The following LMX1B variants were observed in gnomAD, a reference collection of about 807,000 sequenced individuals.
LMX1B encodes LIM homeobox transcription factor 1-beta.
LMX1B carries 12 observed loss-of-function variants against 51.4 expected under a neutral mutation model. That is an observed-to-expected ratio of 0.23 (90% CI 0.15 to 0.38). The LOEUF (loss-of-function observed/expected upper bound fraction) is 0.38, where lower values mean the gene tolerates loss of function less well. LMX1B is among the 10% of genes least tolerant of loss of function. The pLI, the probability that LMX1B is intolerant of heterozygous loss-of-function variation, is 1.00. For synonymous variants in LMX1B, 237 were observed against 235.4 expected (o/e 1.01, Z -0.06); for missense variants, 445 against 571.1 (o/e 0.78, Z 2.25).
chr9:126,636,826 A>G (rs770303989), intron 2 of LMX1B, among the ~76,000 whole-genome samples: 1 of 152,142 alleles, frequency 6.6e-6, no homozygotes, highest in African/African-American at 2.4e-5. Context: ...TGCAGTTCAG[A>G]TCTCAGTGGG....
intron 2 of LMX1B, among the ~76,000 whole-genome samples, chr9:126,624,353 G>T (rs1024838680): frequency 2.6e-5 from 4 of 152,226 alleles, no homozygotes; most frequent in Admixed American, 2.6e-4. Context: ...AGACTGGCGG[G>T]GAGAGCTGGC....
intron 2 of LMX1B, among the ~76,000 whole-genome samples, chr9:126,682,411 C>T (rs1297764031): frequency 6.6e-6 from 1 of 152,108 alleles, no homozygotes; most frequent in Non-Finnish European, 1.5e-5. Context: ...AGTCACCATT[C>T]GTCATACTCT....
chr9:126,678,235 G>T (rs1352863388), intron 2 of LMX1B, among the ~76,000 whole-genome samples: 1 of 151,854 alleles, frequency 6.6e-6, no homozygotes, highest in Non-Finnish European at 1.5e-5. Context: ...GCTTGAATCC[G>T]GGAGGTGGAG....
intron 2 of LMX1B, among the ~76,000 whole-genome samples, chr9:126,690,572 A>T (rs1464947486): frequency 1.3e-5 from 2 of 152,170 alleles, no homozygotes. Context: ...CGTGTCTCTG[A>T]GCTGGAAGGG....
At chr9:126,640,472 G>T (rs1028394097) in intron 2 of LMX1B, among the ~76,000 whole-genome samples, 22 of 152,292 alleles carry the variant, frequency 1.4e-4, no homozygotes, top group African/African-American at 5.3e-4. Flanking sequence ...CACCAGTCCT[G>T]GGCCTTTGAG....
intron 2 of LMX1B, among the ~76,000 whole-genome samples, chr9:126,668,292 G>A (rs759611127): frequency 6.6e-6 from 1 of 151,986 alleles, no homozygotes; most frequent in Non-Finnish European, 1.5e-5. Context: ...GCCACTCAGC[G>A]CTTACTGTCT....
intron 2 of LMX1B, chr9:126,640,953 A>G (rs925555928): frequency 6.6e-6 from 1 of 152,296 alleles, no homozygotes; most frequent in East Asian, 1.9e-4. Context: ...ACTACCAGCA[A>G]TTGTTCTGGA....
intron 2 of LMX1B, among the ~76,000 whole-genome samples, chr9:126,643,797 A>C (rs1016745197): frequency 1.3e-5 from 2 of 152,140 alleles, no homozygotes; most frequent in East Asian, 3.8e-4. Context: ...CTTGAAAAGG[A>C]ATTAACTCGA....
intron 2 of LMX1B, among the ~76,000 whole-genome samples, chr9:126,634,669 TAG>T (rs1362518876): frequency 6.6e-6 from 1 of 152,168 alleles, no homozygotes; most frequent in Non-Finnish European, 1.5e-5. Context: ...AGCCTGAAGT[TAG>T]TCATCTATAA....
At chr9:126,682,894 G>GAAAAAAAAA (rs577172677) in intron 2 of LMX1B, among the ~76,000 whole-genome samples, 56 of 86,106 alleles carry the variant, frequency 6.5e-4, no homozygotes, top group Admixed American at 2.7e-3. Flanking sequence ...CACTCTGTCT[G>GAAAAAAAAA]AAAAAAAAAA....
rs1836163602 is a variant in LMX1B, at chr9:126,658,584, C to T, written c.327-32252C>T. On this transcript the variant is annotated intron_variant, in intron 2 of 7. Coordinates refer to ENST00000373474, the MANE Select transcript of LMX1B (RefSeq NM_001174147.2). This position sits in a 1 kb window ranked among gnomAD's most constrained non-coding sequence, Gnocchi z 4.0. Reference sequence around the variant, plus strand: ...TGGCCTCGCCCCTCATCCATCATGCCTCTAAGTAACCAATTTAAAGGCAGG... The same window carrying T: ...TGGCCTCGCCCCTCATCCATCATGCTTCTAAGTAACCAATTTAAAGGCAGG... 6.6e-6 allele frequency among the ~76,000 whole-genome samples: 1 copy of T among 152,234 alleles called. No homozygotes were observed. Among genetic ancestry groups the T allele is most frequent in the Admixed American group, 6.5e-5 (1 of 15,272 alleles).
chr9:126,680,455 G>A (rs1564165129), intron 2 of LMX1B, among the ~76,000 whole-genome samples: 1 of 152,160 alleles, frequency 6.6e-6, no homozygotes, highest in East Asian at 1.9e-4. Context: ...GGAGTCCATG[G>A]GCAAATAAAG....
chr9:126,655,912 A>G (rs541508303), intron 2 of LMX1B, among the ~76,000 whole-genome samples: 2 of 152,174 alleles, frequency 1.3e-5, no homozygotes, highest in East Asian at 3.9e-4. Flanking sequence ...GCTACTTCCC[A>G]AAAGGGTATA....
At chr9:126,693,357 ATGCCCGCACACCCAC>A (rs758450380) in intron 4 of LMX1B, 34 bp downstream of exon 4, 39 of 1,575,764 alleles carry the variant, frequency 2.5e-5, no homozygotes, top group Non-Finnish European at 3.3e-5. Flanking sequence ...GCTCAGGCTG[ATGCCCGCACACCCAC>A]TGCCTTTCTG....
chr9:126,682,894 G>GA (rs577172677), intron 2 of LMX1B, among the ~76,000 whole-genome samples: 6,782 of 85,956 alleles, frequency 0.079, 432 homozygotes, highest in East Asian at 0.32. Context: ...CACTCTGTCT[G>GA]AAAAAAAAAA....
chr9:126,696,509 G>A lies in LMX1B; in HGVS notation c.*58G>A. 1 of 1,602,464 alleles carries A rather than the reference G, an allele frequency of 6.2e-7. No homozygotes were observed. ...GGCCTGGGGGGGACTGCCAGCCTCT[G>A]CGGCCAGCCTGGCCACCCCCGCCCT... On this transcript the variant is annotated 3_prime_UTR_variant, in exon 8 of 8. Coordinates refer to ENST00000373474, the MANE Select transcript of LMX1B (RefSeq NM_001174147.2).
At chr9:126,647,601 G>A (rs1399892274) in intron 2 of LMX1B, among the ~76,000 whole-genome samples, 1 of 152,204 alleles carries the variant, frequency 6.6e-6, no homozygotes, top group African/African-American at 2.4e-5. Flanking sequence ...AGAATGGTCA[G>A]TGGCTCAGGG....
chr9:126,635,654 GGGAAAT>G (rs1364264486), intron 2 of LMX1B, among the ~76,000 whole-genome samples: 7 of 152,210 alleles, frequency 4.6e-5, no homozygotes, highest in Non-Finnish European at 2.9e-5. Flanking sequence ...CCAGCAAACG[GGGAAAT>G]GATAGCTGCT....
chr9:126,622,505 C>A (rs571710465), intron 2 of LMX1B, among the ~76,000 whole-genome samples: 1 of 152,280 alleles, frequency 6.6e-6, no homozygotes, highest in Admixed American at 6.5e-5. Context: ...GGTCCCTCCC[C>A]CAAGCGCCTC....
Sources: gnomAD v4.1 joint callset for allele counts (sites outside exome capture counted in the v4.1 genomes callset) on GRCh38, gnomAD v4.1.1 for gene constraint, Gnocchi (gnomAD v3.1) non-coding constraint, MANE v1.5 for transcripts, NCBI Gene and HGNC (gene_info 2026-07-23, HGNC 2026-07-21) for gene names.